Variants in POU3F1 observed in about 807,000 individuals in gnomAD.
The protein encoded by POU3F1 is POU domain, class 3, transcription factor 1.
A neutral mutation model predicts 7.6 loss-of-function variants in POU3F1; 1 was observed. The observed-to-expected ratio is 0.13, with a 90% confidence interval of 0.05 to 0.62. The LOEUF (loss-of-function observed/expected upper bound fraction) is 0.62. Ranked by LOEUF, POU3F1 falls within the 20% of genes least tolerant of loss-of-function variation. The pLI is 0.87. For missense variants in POU3F1, 505 were observed against 679.3 expected (o/e 0.74, Z 2.85); for synonymous variants, 354 against 339.0 (o/e 1.04, Z -0.49).
At position 38,046,414 on chromosome 1, in the gene POU3F1, TCCGCCG is replaced by T; in HGVS notation, c.324_329del (p.Gly110_Gly111del). The T allele has an allele frequency of 7.8e-7, 1 of 1,277,310 alleles. No homozygotes were observed. The highest frequency in any genetic ancestry group is 9.9e-7 in the Non-Finnish European group (1 of 1,015,138). The allele number at this position is 1,277,310 out of a possible 1,614,324, so 79.1% of individuals were successfully genotyped here. Reference sequence around the variant, plus strand: ...GGTGCACCAGGCGCGCGTGGAAACCTCCGCCGCCGCCGCCGTCGTCGGCTCGGCCGG... The same window carrying T: ...GGTGCACCAGGCGCGCGTGGAAACCTCCGCCGCCGTCGTCGGCTCGGCCGG... On this transcript the variant is annotated inframe_deletion, in exon 1 of 1. Transcript: ENST00000373012. This position sits in a 1 kb window ranked among gnomAD's most constrained non-coding sequence, Gnocchi z 9.5.
chr1:38,044,137 AAGG>A lies in POU3F1; in HGVS notation c.*1248_*1250del, dbSNP rs1397548224. Among the ~76,000 whole-genome samples the A allele has an allele frequency of 2.6e-5, 4 of 152,226 alleles. No individual in the cohort carries two copies. The highest frequency in any genetic ancestry group is 4.8e-5 in the African/African-American group (2 of 41,464). On this transcript the variant is annotated 3_prime_UTR_variant, in exon 1 of 1. Coordinates refer to ENST00000373012, the MANE Select transcript of POU3F1 (RefSeq NM_002699.4). ...TACAAAATCCTTTAGGGTAGGAAGG[AAGG>A]GTAACCCGGAAAACCAAAAATAAAA...
chr1:38,046,520 G>T lies in POU3F1; in HGVS notation c.224C>A (p.Pro75His). 1 of 1,384,426 alleles carries T rather than the reference G, an allele frequency of 7.2e-7. No homozygotes were observed. The highest frequency in any genetic ancestry group is 1.5e-5 in the South Asian group (1 of 64,790). 85.8% of individuals were successfully genotyped at this position (1,384,426 alleles called of 1,614,324 possible). Residue 75 changes from proline to histidine, a missense_variant, in exon 1 of 1, where the codon CCC (proline) becomes CAC (histidine). Transcript: ENST00000373012. This position sits in a 1 kb window ranked among gnomAD's most constrained non-coding sequence, Gnocchi z 9.5. ...ATCGCCGCCGCCGCCTCCTCCCGTGGGTAGCCACTGGGGGTGCGCTAGGCC... is the reference window on the plus strand; with the variant it reads ...ATCGCCGCCGCCGCCTCCTCCCGTGTGTAGCCACTGGGGGTGCGCTAGGCC... ...PVGLAHPQWL[P>H]TGGGGGGDWA...
At position 38,045,745 on chromosome 1, in the gene POU3F1, G is replaced by A. The variant is rs1370400254; in HGVS notation, c.999C>T (p.Ile333=). Reference sequence around the variant, plus strand: ...TCTTGCGCTTGCGGCCCTGCGCCGCGATCTTGTCCAGGTTGGTGGGGCTGC... The same window carrying A: ...TCTTGCGCTTGCGGCCCTGCGCCGCAATCTTGTCCAGGTTGGTGGGGCTGC... ...SSGSPTNLDK[I]AAQGRKRKKR... The change falls in exon 1 of 1, where the codon ATC becomes ATT. Residue 333 remains isoleucine, a synonymous_variant. Coordinates refer to ENST00000373012, the MANE Select transcript of POU3F1 (RefSeq NM_002699.4). This position sits in a 1 kb window ranked among gnomAD's most constrained non-coding sequence, Gnocchi z 9.4. 1 of 1,613,248 alleles carries A rather than the reference G, an allele frequency of 6.2e-7. No homozygotes were observed. Among genetic ancestry groups the A allele is most frequent in the South Asian group, 1.1e-5 (1 of 91,020 alleles).
At position 38,046,382 on chromosome 1, in the gene POU3F1, G is replaced by T; in HGVS notation, c.362C>A (p.Ala121Glu). 1 of 1,227,378 alleles carries T rather than the reference G, an allele frequency of 8.1e-7. No individual in the cohort carries two copies. The highest frequency in any genetic ancestry group is 1.0e-6 in the Non-Finnish European group (1 of 989,760). The allele number at this position is 1,227,378 out of a possible 1,614,324, so 76.0% of individuals were successfully genotyped here. Reference sequence around the variant, plus strand: ...CGCCCATGCCGCGCCCGCGTGGGCCGCCCCCTGGTGCACCAGGCGCGCGTG... The same window carrying T: ...CGCCCATGCCGCGCCCGCGTGGGCCTCCCCCTGGTGCACCAGGCGCGCGTG... ...GFHARLVHQG[A>E]AHAGAAWAQG... is the part of the protein sequence containing the mutation. Residue 121 changes from alanine (A) to glutamate (E), a missense_variant, in exon 1 of 1, where the codon GCG becomes GAG. Coordinates refer to ENST00000373012, the MANE Select transcript of POU3F1 (RefSeq NM_002699.4). The surrounding 1 kb of genome is among the most constrained non-coding windows in gnomAD (Gnocchi z 9.5).
Position 38,046,477 on chromosome 1 carries a change from G to A in POU3F1, c.267C>T (p.His89=). ...CGCCGCCTGCCTTGCCGTGTTCTAG[G>A]TGCGGGCCGCCGGCCCAATCGCCGC... ...GGGGDWAGGP[H]LEHGKAGGGG... The change falls in exon 1 of 1, where the codon CAC becomes CAT. Residue 89 remains histidine, a synonymous_variant. Transcript: ENST00000373012. The surrounding 1 kb of genome is among the most constrained non-coding windows in gnomAD (Gnocchi z 9.5). 7.3e-7 allele frequency: 1 copy of A among 1,370,582 alleles called. No homozygotes were observed. The highest frequency in any genetic ancestry group is 9.4e-7 in the Non-Finnish European group (1 of 1,060,874). 84.9% of individuals were successfully genotyped at this position (1,370,582 alleles called of 1,614,324 possible).
At position 38,045,543 on chromosome 1, in the gene POU3F1, C is replaced by A; in HGVS notation, c.1201G>T (p.Ala401Ser). 1.2e-6 allele frequency: 2 copies of A among 1,601,410 alleles called. No individual in the cohort carries two copies. Among genetic ancestry groups the A allele is most frequent in the Non-Finnish European group, 1.7e-6 (2 of 1,174,274 alleles). The change falls in exon 1 of 1, where the codon GCC becomes TCC. Residue 401 changes from alanine to serine, a missense_variant. Around this residue, in one of 5 missense-constraint regions of POU3F1, gnomAD observed 72 missense variants for 93.7 expected, o/e 0.77. Coordinates refer to ENST00000373012, the MANE Select transcript of POU3F1 (RefSeq NM_002699.4). The surrounding 1 kb of genome is among the most constrained non-coding windows in gnomAD (Gnocchi z 9.4). ...TCCATGGGCGGGTGGCCCGCGCCGGCCGCAGGGGTCATGCGCTTCTCCTTC... is the reference window on the plus strand; with the variant it reads ...TCCATGGGCGGGTGGCCCGCGCCGGACGCAGGGGTCATGCGCTTCTCCTTC... ...RQKEKRMTPA[A>S]GAGHPPMDDV...
chr1:38,046,709 G>T lies in POU3F1; in HGVS notation c.35C>A (p.Pro12His), dbSNP rs1433937936. 2.6e-6 allele frequency: 3 copies of T among 1,157,690 alleles called. No individual in the cohort carries two copies. The highest frequency in any genetic ancestry group is 3.2e-6 in the Non-Finnish European group (3 of 947,186). The allele number at this position is 1,157,690 out of a possible 1,614,324, so 71.7% of individuals were successfully genotyped here. A position where few individuals can be genotyped will look rare whatever the true frequency, so the allele number is the denominator to read the frequency against. ...CCCGGTGCCCCCGGCTCCGCCACCG[G>T]GGCCCCGCGGCAGGTACTGCGCGGT... is the stretch of plus-strand genomic sequence containing the variant. ...ATTAQYLPRG[P>H]GGGAGGTGPL... Residue 12 changes from proline (P) to histidine (H), a missense_variant, in exon 1 of 1, where the codon CCC (proline) becomes CAC (histidine). Transcript: ENST00000373012. The surrounding 1 kb of genome is among the most constrained non-coding windows in gnomAD (Gnocchi z 9.5).
rs771221472 is a variant in POU3F1, at chr1:38,046,452, C to G, written c.292G>C (p.Gly98Arg). Residue 98 changes from glycine (G) to arginine (R), a missense_variant, in exon 1 of 1, where the codon GGC becomes CGC. Physicochemically the swap from Gly to Arg is moderately radical, Grantham distance 125. This residue lies in a region of POU3F1 where 361 missense variants were observed against 382.1 expected (regional missense o/e 0.94). Coordinates refer to ENST00000373012, the MANE Select transcript of POU3F1 (RefSeq NM_002699.4). The surrounding 1 kb of genome is among the most constrained non-coding windows in gnomAD (Gnocchi z 9.5). The stretch of plus-strand genomic sequence containing the variant: ...CCGTCGTCGGCTCGGCCGGTGCCGC[C>G]GCCGCCTGCCTTGCCGTGTTCTAGG... Reference protein sequence around the residue: ...PHLEHGKAGGGGTGRADDGGG... With the variant: ...PHLEHGKAGGRGTGRADDGGG... The G allele has an allele frequency of 3.4e-4, 449 of 1,333,024 alleles. No homozygotes were observed. Among genetic ancestry groups the G allele is most frequent in the Non-Finnish European group, 4.0e-4 (415 of 1,041,286 alleles). 82.6% of individuals were successfully genotyped at this position (1,333,024 alleles called of 1,614,324 possible).
At position 38,045,366 on chromosome 1, in the gene POU3F1, G is replaced by A. The variant is rs1331642323; in HGVS notation, c.*22C>T. Reference sequence around the variant, plus strand: ...GCGCGCCCGCGCCCTGCAGCGCGCCGGCGGGGGCCCGGCCCGCGGGGTCAC... The same window carrying A: ...GCGCGCCCGCGCCCTGCAGCGCGCCAGCGGGGGCCCGGCCCGCGGGGTCAC... On this transcript the variant is annotated 3_prime_UTR_variant, in exon 1 of 1. Coordinates refer to ENST00000373012, the MANE Select transcript of POU3F1 (RefSeq NM_002699.4). The surrounding 1 kb of genome is among the most constrained non-coding windows in gnomAD (Gnocchi z 9.4). The A allele has an allele frequency of 4.7e-5, 54 of 1,146,868 alleles. No individual in the cohort carries two copies. Among genetic ancestry groups the A allele is most frequent in the Non-Finnish European group, 5.6e-5 (52 of 926,080 alleles). 71.0% of individuals were successfully genotyped at this position (1,146,868 alleles called of 1,614,324 possible).
At position 38,045,311 on chromosome 1, in the gene POU3F1, C is replaced by A. The variant is rs1243702681; in HGVS notation, c.*77G>T. On this transcript the variant is annotated 3_prime_UTR_variant, in exon 1 of 1. Transcript: ENST00000373012. The surrounding 1 kb of genome is among the most constrained non-coding windows in gnomAD (Gnocchi z 9.4). Reference sequence around the variant, plus strand: ...TTTTGTAAAATCCAAAGCAACCGAACAAAAAGAGTCCAGGCCGCGCGGGCG... The same window carrying A: ...TTTTGTAAAATCCAAAGCAACCGAAAAAAAAGAGTCCAGGCCGCGCGGGCG... The A allele has an allele frequency of 1.8e-5, 8 of 446,846 alleles. No homozygotes were observed. The highest frequency in any genetic ancestry group is 1.2e-4 in the Admixed American group (2 of 16,656). 27.7% of individuals were successfully genotyped at this position (446,846 alleles called of 1,614,324 possible). A position where few individuals can be genotyped will look rare whatever the true frequency, so the allele number is the denominator to read the frequency against.
Position 38,045,337 on chromosome 1 carries a change from G to T in POU3F1, c.*51C>A. 1 of 805,954 alleles carries T rather than the reference G, an allele frequency of 1.2e-6. No individual in the cohort carries two copies. Among genetic ancestry groups the T allele is most frequent in the Non-Finnish European group, 1.6e-6 (1 of 639,408 alleles). 49.9% of individuals were successfully genotyped at this position (805,954 alleles called of 1,614,324 possible). A position where few individuals can be genotyped will look rare whatever the true frequency, so the allele number is the denominator to read the frequency against. On this transcript the variant is annotated 3_prime_UTR_variant, in exon 1 of 1. Transcript: ENST00000373012. This position sits in a 1 kb window ranked among gnomAD's most constrained non-coding sequence, Gnocchi z 9.4. ...AAAAAGAGTCCAGGCCGCGCGGGCG[G>T]GCTGCGCGCCCGCGCCCTGCAGCGC...
In POU3F1 at chr1:38,045,378, G is replaced by A. The variant is rs1646854025; in HGVS notation, c.*10C>T. The A allele has an allele frequency of 8.4e-7, 1 of 1,194,998 alleles. No homozygotes were observed. The allele number at this position is 1,194,998 out of a possible 1,614,324, so 74.0% of individuals were successfully genotyped here. ...CCTGCAGCGCGCCGGCGGGGGCCCG[G>A]CCCGCGGGGTCACTGCACTGAGCCG... is the stretch of plus-strand genomic sequence containing the variant. On this transcript the variant is annotated 3_prime_UTR_variant, in exon 1 of 1. Transcript: ENST00000373012. The surrounding 1 kb of genome is among the most constrained non-coding windows in gnomAD (Gnocchi z 9.4).
Position 38,044,066 on chromosome 1 carries a change from G to A in POU3F1, c.*1322C>T, listed in dbSNP as rs1490909772. On this transcript the variant is annotated 3_prime_UTR_variant, in exon 1 of 1. Coordinates refer to ENST00000373012, the MANE Select transcript of POU3F1 (RefSeq NM_002699.4). ...CCAGAAAATAAATAGAGATGGGTCA[G>A]AAATTCGGAAATCATATTAAAATAT... 6.6e-6 allele frequency among the ~76,000 whole-genome samples: 1 copy of A among 152,222 alleles called. No individual in the cohort carries two copies. Among genetic ancestry groups the A allele is most frequent in the African/African-American group, 2.4e-5 (1 of 41,460 alleles).
chr1:38,046,136 G>A lies in POU3F1; in HGVS notation c.608C>T (p.Ser203Leu). The A allele has an allele frequency of 7.2e-7, 1 of 1,386,718 alleles. No individual in the cohort carries two copies. Among genetic ancestry groups the A allele is most frequent in the Non-Finnish European group, 9.4e-7 (1 of 1,069,436 alleles). 85.9% of individuals were successfully genotyped at this position (1,386,718 alleles called of 1,614,324 possible). Residue 203 changes from serine to leucine, a missense_variant, in exon 1 of 1, where the codon TCG becomes TTG. Transcript: ENST00000373012. The surrounding 1 kb of genome is among the most constrained non-coding windows in gnomAD (Gnocchi z 9.5). ...GTGGGCGCCCAGATGCGGCGGCGGCGACGGCTCCAGCTGCGCCTCGTGGCC... is the reference window on the plus strand; with the variant it reads ...GTGGGCGCCCAGATGCGGCGGCGGCAACGGCTCCAGCTGCGCCTCGTGGCC... ...EDGHEAQLEPSPPPHLGAHGH... is the reference protein window; with the variant it reads ...EDGHEAQLEPLPPPHLGAHGH...
In POU3F1 at chr1:38,046,663, G is replaced by A; in HGVS notation, c.81C>T (p.Ala27=). The change falls in exon 1 of 1, where the codon GCC becomes GCT. Residue 27 remains alanine, a synonymous_variant. Transcript: ENST00000373012. The surrounding 1 kb of genome is among the most constrained non-coding windows in gnomAD (Gnocchi z 9.5). ...GGTGPLMHPD[A]AAAAAAAAAA... is the part of the protein sequence containing the mutation. ...CCGCCGCCGCCGCCGCCGCCGCCGC[G>A]GCGTCCGGGTGCATAAGCGGCCCGG... is the stretch of plus-strand genomic sequence containing the variant. 3 of 1,282,066 alleles carry A rather than the reference G, an allele frequency of 2.3e-6. No individual in the cohort carries two copies. The highest frequency in any genetic ancestry group is 3.5e-5 in the East Asian group (1 of 28,244). 79.4% of individuals were successfully genotyped at this position (1,282,066 alleles called of 1,614,324 possible). A position where few individuals can be genotyped will look rare whatever the true frequency, so the allele number is the denominator to read the frequency against.
chr1:38,045,462 AG>A lies in POU3F1; in HGVS notation c.1281del (p.Ser428ProfsTer79). ...LGPGGGGASP[P>X]SAPPPPPPAA... Reference sequence around the variant, plus strand: ...GCCGGCGGGGGCGGTGGGGGCGCGGAGGGTGGCGATGCGCCGCCCCCGCCAG... The same window carrying A: ...GCCGGCGGGGGCGGTGGGGGCGCGGAGGTGGCGATGCGCCGCCCCCGCCAG... On this transcript the variant is annotated frameshift_variant, in exon 1 of 1. Transcript: ENST00000373012. LOFTEE classifies it high-confidence loss of function. This position sits in a 1 kb window ranked among gnomAD's most constrained non-coding sequence, Gnocchi z 9.4. 6.9e-7 allele frequency: 1 copy of A among 1,450,114 alleles called. No individual in the cohort carries two copies. Among genetic ancestry groups the A allele is most frequent in the Non-Finnish European group, 9.0e-7 (1 of 1,109,700 alleles). The allele number at this position is 1,450,114 out of a possible 1,614,324, so 89.8% of individuals were successfully genotyped here. A position where few individuals can be genotyped will look rare whatever the true frequency, so the allele number is the denominator to read the frequency against.
Position 38,045,937 on chromosome 1 carries a change from C to A in POU3F1, c.807G>T (p.Leu269=). 2 of 1,613,510 alleles carry A rather than the reference C, an allele frequency of 1.2e-6. No homozygotes were observed. The highest frequency in any genetic ancestry group is 1.7e-6 in the Non-Finnish European group (2 of 1,179,984). The change falls in exon 1 of 1, where the codon CTG becomes CTT. Residue 269 remains leucine (L), a synonymous_variant. Transcript: ENST00000373012. The surrounding 1 kb of genome is among the most constrained non-coding windows in gnomAD (Gnocchi z 9.4). ...GCCCCACGTCGGCCTGCGTAAAGCC[C>A]AGCTTGATGCGCCGCTGCTTGAACT... ...AKQFKQRRIK[L]GFTQADVGLA...
At position 38,046,540 on chromosome 1, in the gene POU3F1, T is replaced by C; in HGVS notation, c.204A>G (p.Leu68=). ...CCGTGGGTAGCCACTGGGGGTGCGC[T>C]AGGCCCACGGGGTGGCCCGCGCCCG... The part of the protein sequence containing the change: ...LGAGAGHPVG[L]AHPQWLPTGG... The change falls in exon 1 of 1, where the codon CTA becomes CTG. Residue 68 remains leucine, a synonymous_variant. Transcript: ENST00000373012. The surrounding 1 kb of genome is among the most constrained non-coding windows in gnomAD (Gnocchi z 9.5). The C allele has an allele frequency of 7.3e-7, 1 of 1,370,612 alleles. No individual in the cohort carries two copies. 84.9% of individuals were successfully genotyped at this position (1,370,612 alleles called of 1,614,324 possible).
At position 38,046,681 on chromosome 1, in the gene POU3F1, C is replaced by T; in HGVS notation, c.63G>A (p.Pro21=). The change falls in exon 1 of 1, where the codon CCG becomes CCA. Residue 21 remains proline (P), a synonymous_variant. Coordinates refer to ENST00000373012, the MANE Select transcript of POU3F1 (RefSeq NM_002699.4). This position sits in a 1 kb window ranked among gnomAD's most constrained non-coding sequence, Gnocchi z 9.5. ...CCGCCGCGGCGTCCGGGTGCATAAG[C>T]GGCCCGGTGCCCCCGGCTCCGCCAC... is the stretch of plus-strand genomic sequence containing the variant. The part of the protein sequence containing the change: ...GPGGGAGGTG[P]LMHPDAAAAA... 4 of 1,217,540 alleles carry T rather than the reference C, an allele frequency of 3.3e-6. No individual in the cohort carries two copies. The highest frequency in any genetic ancestry group is 4.1e-6 in the Non-Finnish European group (4 of 982,786). 75.4% of individuals were successfully genotyped at this position (1,217,540 alleles called of 1,614,324 possible). A position where few individuals can be genotyped will look rare whatever the true frequency, so the allele number is the denominator to read the frequency against.
Sources: allele counts gnomAD v4.1 joint callset (sites outside exome capture counted in the v4.1 genomes callset), GRCh38; gene constraint gnomAD v4.1.1; regional missense constraint gnomAD v4.1.1; non-coding constraint Gnocchi (gnomAD v3.1); transcripts MANE v1.5; gene names NCBI Gene and HGNC (gene_info 2026-07-23, HGNC 2026-07-21).